Variants in ABCA1 observed in about 807,000 individuals in gnomAD.
The protein encoded by ABCA1 is ATP binding cassette subfamily A member 1.
Under a neutral mutation model 262.5 loss-of-function variants are expected in ABCA1, and 133 were observed. The ratio of observed to expected loss-of-function variants is 0.51; its 90% confidence interval spans 0.44 to 0.59. The LOEUF (loss-of-function observed/expected upper bound fraction) is 0.59, where lower values mean the gene tolerates loss of function less well. Among genes scored for constraint, ABCA1 ranks in the 20% least tolerant of loss-of-function variants. The pLI, the probability that ABCA1 is intolerant of heterozygous loss-of-function variation, is 0.00. For synonymous variants in ABCA1, 1,022 were observed against 1,043.5 expected (o/e 0.98, Z 0.40); for missense variants, 2,452 against 2,777.5 (o/e 0.88, Z 2.63).
chr9:104,817,369 G>C lies in ABCA1; in HGVS notation c.3498C>G (p.Gly1166=), dbSNP rs1418928141. 2 of 1,614,208 alleles carry C rather than the reference G, an allele frequency of 1.2e-6. No homozygotes were observed. Among genetic ancestry groups the C allele is most frequent in the South Asian group, 2.2e-5 (2 of 91,074 alleles). The change falls in exon 24 of 50, where the codon GGC becomes GGG. Residue 1166 remains glycine, a synonymous_variant. Transcript: ENST00000374736. This position sits in a 1 kb window ranked among gnomAD's most constrained non-coding sequence, Gnocchi z 4.7. ...TGTCACTCTCATGGTCGCTGCCCAG[G>C]CCAGCATCAGAACTGCTCTGAGAAA... ...DSVSQSSSDA[G]LGSDHESDTL...
intron 2 of ABCA1, among the ~76,000 whole-genome samples, chr9:104,892,921 T>C (rs1276970881): frequency 1.3e-5 from 2 of 152,230 alleles, no homozygotes; most frequent in Non-Finnish European, 2.9e-5. Context: ...TCAATTATGG[T>C]ACATGTACTC....
intron 1 of ABCA1, among the ~76,000 whole-genome samples, chr9:104,911,235 A>G (rs1212688252): frequency 6.6e-6 from 1 of 152,218 alleles, no homozygotes; most frequent in African/African-American, 2.4e-5. Context: ...CACAAAAGCA[A>G]GAATCACAGA....
At chr9:104,900,347 A>G (rs1023831754) in intron 2 of ABCA1, among the ~76,000 whole-genome samples, 2 of 152,190 alleles carry the variant, frequency 1.3e-5, no homozygotes, top group African/African-American at 4.8e-5. Flanking sequence ...CCCAAGGGCC[A>G]GGCTCTGTGC....
chr9:104,861,794 T>G lies in ABCA1; in HGVS notation c.428A>C (p.Lys143Thr), dbSNP rs1836414141. 21 of 1,613,096 alleles carry G rather than the reference T, an allele frequency of 1.3e-5. No homozygotes were observed. The highest frequency in any genetic ancestry group is 1.7e-5 in the Non-Finnish European group (20 of 1,179,542). ...ATTGTCCACCAGGAAATCTTGAAGC[T>G]TCAAGTCTATTGAGAAATAGTGTTT... The part of the protein sequence containing the change: ...QQIKKSSSNL[K>T]LQDFLVDNET... The change falls in exon 6 of 50, where the codon AAG becomes ACG. Residue 143 changes from lysine to threonine, a missense_variant. Coordinates refer to ENST00000374736, the MANE Select transcript of ABCA1 (RefSeq NM_005502.4).
intron 2 of ABCA1, among the ~76,000 whole-genome samples, chr9:104,894,435 A>C (rs934987302): frequency 2.0e-5 from 3 of 152,172 alleles, no homozygotes; most frequent in African/African-American, 7.2e-5. Context: ...AAAGAGGTTA[A>C]AAAAAATTGA....
chr9:104,796,351 G>A lies in ABCA1; in HGVS notation c.5195C>T (p.Ser1732Phe), dbSNP rs1237530502. 6.2e-7 allele frequency: 1 copy of A among 1,614,092 alleles called. No homozygotes were observed. Among genetic ancestry groups the A allele is most frequent in the African/African-American group, 1.3e-5 (1 of 74,946 alleles). The change falls in exon 38 of 50, where the codon TCC (serine) becomes TTC (phenylalanine). Residue 1732 changes from serine (S) to phenylalanine (F), a missense_variant. By Grantham distance (155) the Ser-to-Phe change is radical. Coordinates refer to ENST00000374736, the MANE Select transcript of ABCA1 (RefSeq NM_005502.4). ...AAGGGCTAGCACAGGCAGATTGGTG[G>A]AGGACACATAGGACTTCTGCTGGAA... Reference protein sequence around the residue: ...ICFQQKSYVSSTNLPVLALLL... With the variant: ...ICFQQKSYVSFTNLPVLALLL...
In ABCA1 at chr9:104,804,501, C is replaced by T; in HGVS notation, c.4559+125G>A. ...TTCTAGTTTGGGATAATATCCTAAACTTCCAATAGACAGAATCAGGCCATA... is the reference window on the plus strand; with the variant it reads ...TTCTAGTTTGGGATAATATCCTAAATTTCCAATAGACAGAATCAGGCCATA... On this transcript the variant is annotated intron_variant, in intron 32 of 49. Coordinates refer to ENST00000374736, the MANE Select transcript of ABCA1 (RefSeq NM_005502.4). The T allele has an allele frequency of 1.7e-5, 14 of 827,654 alleles. No individual in the cohort carries two copies. The South Asian group carries it at 1.9e-4, about 11-fold the overall frequency. The allele number at this position is 827,654 out of a possible 1,614,324, so 51.3% of individuals were successfully genotyped here. A position where few individuals can be genotyped will look rare whatever the true frequency, so the allele number is the denominator to read the frequency against.
chr9:104,816,163 A>T lies in ABCA1; in HGVS notation c.3718T>A (p.Ser1240Thr). The T allele has an allele frequency of 6.2e-7, 1 of 1,614,170 alleles. No individual in the cohort carries two copies. Among genetic ancestry groups the T allele is most frequent in the Non-Finnish European group, 8.5e-7 (1 of 1,180,038 alleles). ...SDLGISSYGI[S>T]ETTLEEIFLK... ...CTTACTTCTTCCAGGGTCGTCTCTG[A>T]GATGCCATAACTAGAAATGCCCAGG... The change falls in exon 25 of 50, where the codon TCA (serine) becomes ACA (threonine). Residue 1240 changes from serine (S) to threonine (T), a missense_variant. Ser to Thr is a moderately conservative substitution (Grantham distance 58). Coordinates refer to ENST00000374736, the MANE Select transcript of ABCA1 (RefSeq NM_005502.4).
intron 5 of ABCA1, among the ~76,000 whole-genome samples, chr9:104,865,438 C>T (rs539570266): frequency 2.0e-5 from 3 of 149,046 alleles, no homozygotes; most frequent in African/African-American, 2.5e-5. Context: ...ATCACTTGAA[C>T]GTGGGAGGCA....
At chr9:104,919,455 TACAAAA>T (rs1169468096) in intron 1 of ABCA1, among the ~76,000 whole-genome samples, 2 of 151,984 alleles carry the variant, frequency 1.3e-5, no homozygotes, top group African/African-American at 4.8e-5. Flanking sequence ...ATTAAAAAAA[TACAAAA>T]ATTAGCCGGA....
intron 5 of ABCA1, among the ~76,000 whole-genome samples, chr9:104,866,577 G>T (rs1837112567): frequency 6.6e-6 from 1 of 151,840 alleles, no homozygotes; most frequent in South Asian, 2.1e-4. Flanking sequence ...AAAGCCCCAG[G>T]TTCAAGCAAT....
At chr9:104,858,761 C>T (rs1484116641) in intron 6 of ABCA1, 63 bp from the exon 7 acceptor site, 3 of 1,563,482 alleles carry the variant, frequency 1.9e-6, no homozygotes, top group Non-Finnish European at 2.6e-6. Context: ...GAAGCTGGGT[C>T]CTTGAAGTCT....
At chr9:104,794,262 G>T in intron 40 of ABCA1, 125 bp downstream of exon 40, 3 of 1,443,644 alleles carry the variant, frequency 2.1e-6, no homozygotes, top group Non-Finnish European at 2.9e-6. Context: ...CTGTCACTGG[G>T]CATGGGGGTG....
chr9:104,810,167 T>TATAC (rs1831153614), intron 29 of ABCA1, among the ~76,000 whole-genome samples: 1 of 126,042 alleles, frequency 7.9e-6, no homozygotes, highest in Admixed American at 7.8e-5. Flanking sequence ...TATATATATA[T>TATAC]ACTTTTTTTT....
intron 14 of ABCA1, 61 bp downstream of exon 14, chr9:104,830,864 T>C (rs1833236705): frequency 1.3e-6 from 2 of 1,579,144 alleles, no homozygotes; most frequent in South Asian, 2.2e-5. Context: ...CACACACATA[T>C]ATACACCCCC....
chr9:104,890,852 A>G (rs1489319238), intron 2 of ABCA1, among the ~76,000 whole-genome samples: 2 of 152,208 alleles, frequency 1.3e-5, no homozygotes, highest in Non-Finnish European at 2.9e-5. Context: ...TAAAAAGGTA[A>G]ATATAAATCA....
intron 9 of ABCA1, among the ~76,000 whole-genome samples, chr9:104,838,186 G>A (rs568368550): frequency 2.6e-4 from 39 of 151,958 alleles, no homozygotes; most frequent in African/African-American, 8.4e-4. Flanking sequence ...TTAGCTGGGC[G>A]TGGTGACGCA....
At chr9:104,840,669 A>G (rs1834287274) in intron 8 of ABCA1, 150 bp from the exon 9 acceptor site, 2 of 868,874 alleles carry the variant, frequency 2.3e-6, no homozygotes, top group East Asian at 2.7e-5. Flanking sequence ...TGTCATCTCA[A>G]AGCCTTGGGA....
intron 32 of ABCA1, 130 bp downstream of exon 32, chr9:104,804,496 C>G: frequency 1.2e-6 from 1 of 810,564 alleles, no homozygotes; most frequent in South Asian, 1.4e-5. Context: ...GGATAATATC[C>G]TAAACTTCCA....
Sources: allele counts gnomAD v4.1 joint callset (sites outside exome capture counted in the v4.1 genomes callset), GRCh38; gene constraint gnomAD v4.1.1; non-coding constraint Gnocchi (gnomAD v3.1); transcripts MANE v1.5; gene names NCBI Gene and HGNC (gene_info 2026-07-23, HGNC 2026-07-21).